TCF20: variants seen among roughly 807,000 people sequenced by gnomAD.
The protein encoded by TCF20 is transcription factor 20.
In TCF20, 3 loss-of-function variants were observed where a neutral mutation model predicts 148.6. The observed-to-expected ratio is 0.02, with a 90% confidence interval of 0.01 to 0.05. The LOEUF (loss-of-function observed/expected upper bound fraction) is 0.05. Ranked by LOEUF, TCF20 falls within the 10% of genes least tolerant of loss-of-function variation. The pLI is 1.00. For missense variants in TCF20, 2,350 were observed against 2,429.3 expected (o/e 0.97, Z 0.69); for synonymous variants, 1,049 against 909.5 (o/e 1.15, Z -2.76).
Position 42,161,281 on chromosome 22 carries a change from G to C in TCF20, c.*122C>G, listed in dbSNP as rs1327559439. 1 of 1,610,406 alleles carries C rather than the reference G, an allele frequency of 6.2e-7. No homozygotes were observed. The highest frequency in any genetic ancestry group is 1.3e-5 in the African/African-American group (1 of 74,858). On this transcript the variant is annotated 3_prime_UTR_variant, in exon 6 of 6. Coordinates refer to ENST00000677622, the MANE Select transcript of TCF20 (RefSeq NM_001378418.1). ...ACGCGGGCGGGGCGGGGCGGGGCAGGGCAGGGTGTGGCTGCACGGTAGGAC... is the reference window on the plus strand; with the variant it reads ...ACGCGGGCGGGGCGGGGCGGGGCAGCGCAGGGTGTGGCTGCACGGTAGGAC...
intron 1 of TCF20, among the ~76,000 whole-genome samples, chr22:42,219,337 G>C (rs1385085542): frequency 2.9e-5 from 2 of 69,330 alleles, no homozygotes; most frequent in Non-Finnish European, 6.5e-5. Context: ...TCCACCCTGG[G>C]TGACAGTAAC....
chr22:42,285,221 C>G (rs1180970301), upstream of TCF20, among the ~76,000 whole-genome samples: 2 of 152,144 alleles, frequency 1.3e-5, no homozygotes, highest in Non-Finnish European at 2.9e-5. This position sits in a 1 kb window ranked among gnomAD's most constrained non-coding sequence, Gnocchi z 4.2. Context: ...ACTTGGCACA[C>G]GCCTGCCACT....
intron 2 of TCF20, among the ~76,000 whole-genome samples, chr22:42,183,776 C>CT (rs58819800): frequency 0.059 from 8,301 of 140,102 alleles, 653 homozygotes; most frequent in African/African-American, 0.18. Context: ...CTTTTAGGTT[C>CT]TTTTTTTTTT....
At chr22:42,272,227 C>T (rs1442391391), upstream of TCF20, among the ~76,000 whole-genome samples, 1 of 152,188 alleles carries the variant, frequency 6.6e-6, no homozygotes, top group Non-Finnish European at 1.5e-5. Flanking sequence ...AATTCTCAGG[C>T]CTCAAGACTT....
intron 2 of TCF20, among the ~76,000 whole-genome samples, chr22:42,195,984 G>A (rs1345289146): frequency 6.6e-6 from 1 of 152,206 alleles, no homozygotes; most frequent in Non-Finnish European, 1.5e-5. Flanking sequence ...CCCTTGGGGA[G>A]CCTATCTGGT....
At chr22:42,222,683 G>A (rs929560278) in intron 1 of TCF20, among the ~76,000 whole-genome samples, 2 of 152,116 alleles carry the variant, frequency 1.3e-5, no homozygotes, top group Admixed American at 6.6e-5. Context: ...GTTCTTAAGA[G>A]CTCTTAGAAT....
chr22:42,243,848 A>G (rs1462251842), intron 1 of TCF20, among the ~76,000 whole-genome samples: 1 of 152,340 alleles, frequency 6.6e-6, no homozygotes, highest in South Asian at 2.1e-4. Flanking sequence ...ATCAGGAAAA[A>G]TGAACCACAA....
At chr22:42,236,474 CA>C (rs1263524651) in intron 1 of TCF20, among the ~76,000 whole-genome samples, 1 of 152,130 alleles carries the variant, frequency 6.6e-6, no homozygotes, top group Non-Finnish European at 1.5e-5. Flanking sequence ...GCAAGAACTA[CA>C]AGCCACAGGA....
upstream of TCF20, among the ~76,000 whole-genome samples, chr22:42,272,479 C>T (rs950143346): frequency 1.3e-5 from 2 of 152,200 alleles, no homozygotes; most frequent in Non-Finnish European, 2.9e-5. Context: ...ACCTCACTTG[C>T]GTCTCAGATG....
At chr22:42,195,005 C>T (rs1937519110) in intron 2 of TCF20, among the ~76,000 whole-genome samples, 1 of 151,624 alleles carries the variant, frequency 6.6e-6, no homozygotes, top group Admixed American at 6.6e-5. Context: ...AAACTATCCA[C>T]TGGAAATTCC....
rs1452806690 is a variant in TCF20 at position 42,292,369 on chromosome 22, C to G, written c.-37+51110G>C. Among the ~76,000 whole-genome samples, 4 of 152,214 alleles carry G rather than the reference C, an allele frequency of 2.6e-5. No individual in the cohort carries two copies. Among genetic ancestry groups the G allele is most frequent in the Non-Finnish European group, 5.9e-5 (4 of 68,042 alleles). On this transcript the variant is annotated intron_variant, in intron 1 of 1. Coordinates refer to the TCF20 transcript ENST00000515426. This position sits in a 1 kb window ranked among gnomAD's most constrained non-coding sequence, Gnocchi z 4.9. ...TAGGTCAAGGATGCCACAGAAGGAG[C>G]CCTTTCTGGCCTCATCCTGCCCTGC...
At chr22:42,316,184 C>G (rs1927628203) in intron 1 of TCF20, among the ~76,000 whole-genome samples, 1 of 151,598 alleles carries the variant, frequency 6.6e-6, no homozygotes, top group African/African-American at 2.4e-5. Flanking sequence ...ATCCGAGCAC[C>G]AGGGAGCCCT....
intron 1 of TCF20, among the ~76,000 whole-genome samples, chr22:42,302,630 T>C (rs1927357741): frequency 1.3e-5 from 2 of 152,148 alleles, no homozygotes; most frequent in Admixed American, 1.3e-4. Context: ...ATGTCTCACA[T>C]GGTGGGGCCA....
chr22:42,246,100 CTTTTTCT>C (rs1332066851), intron 1 of TCF20, among the ~76,000 whole-genome samples: 2 of 152,172 alleles, frequency 1.3e-5, no homozygotes, highest in South Asian at 2.1e-4. Context: ...TTGCTTAATT[CTTTTTCT>C]TTTTTCTTTT....
chr22:42,333,104 T>C (rs1441863538), intron 1 of TCF20, among the ~76,000 whole-genome samples: 1 of 152,264 alleles, frequency 6.6e-6, no homozygotes, highest in Admixed American at 6.5e-5. Flanking sequence ...ACTCTGCCTC[T>C]CTTAATCTCT....
intron 1 of TCF20, among the ~76,000 whole-genome samples, chr22:42,219,350 T>A: frequency 3.3e-5 from 1 of 30,424 alleles, no homozygotes; most frequent in Non-Finnish European, 5.8e-5. Context: ...ACAGTAACCC[T>A]GTCTCAAAAA....
At chr22:42,295,442 CTTTTT>C (rs869294446) in intron 1 of TCF20, among the ~76,000 whole-genome samples, 1 of 134,632 alleles carries the variant, frequency 7.4e-6, no homozygotes. Context: ...GTTTTCTTTT[CTTTTT>C]TTTTTTTTTT....
intron 1 of TCF20, among the ~76,000 whole-genome samples, chr22:42,243,511 A>G (rs1374546816): frequency 6.6e-6 from 1 of 152,040 alleles, no homozygotes; most frequent in African/African-American, 2.4e-5. Context: ...CTGAGGCAGG[A>G]GAATCGCTTG....
At chr22:42,200,753 T>C (rs1937953013) in intron 2 of TCF20, among the ~76,000 whole-genome samples, 1 of 152,168 alleles carries the variant, frequency 6.6e-6, no homozygotes, top group Non-Finnish European at 1.5e-5. Context: ...TTACCAGCTC[T>C]TGCACAAATT....
Sources: gnomAD v4.1 joint callset for allele counts (sites outside exome capture counted in the v4.1 genomes callset) on GRCh38, gnomAD v4.1.1 for gene constraint, Gnocchi (gnomAD v3.1) non-coding constraint, MANE v1.5 for transcripts, NCBI Gene and HGNC (gene_info 2026-07-23, HGNC 2026-07-21) for gene names.